The following MYH16 variants were observed in gnomAD, a reference collection of about 807,000 sequenced individuals.
MYH16 encodes the protein myosin heavy chain 16, also known as putative uncharacterized protein MYH16.
intron 21 of MYH16, among the ~76,000 whole-genome samples, chr7:99,277,916 TGAGAGAGA>T (rs36065407): frequency 4.5e-5 from 6 of 132,226 alleles, no homozygotes; most frequent in Admixed American, 3.8e-4. Flanking sequence ...TGTGTGTGTG[TGAGAGAGA>T]GAGAGAGAGA....
chr7:99,298,236 G>GTTT (rs1225164206), intron 36 of MYH16, among the ~76,000 whole-genome samples: 1 of 141,296 alleles, frequency 7.1e-6, no homozygotes, highest in East Asian at 2.0e-4. Flanking sequence ...GTTCTTTTTG[G>GTTT]TTTTTTTTTT....
intron 6 of MYH16, chr7:99,251,244 C>T (rs60493564): frequency 0.031 from 5,344 of 173,350 alleles, 290 homozygotes; most frequent in African/African-American, 0.12. Context: ...GTCACGACCC[C>T]GCCCCAGGTA....
At chr7:99,283,958 C>A in exon 25 of MYH16, 1 of 456,614 alleles carries the variant, frequency 2.2e-6, no homozygotes, top group Non-Finnish European at 4.4e-6. Flanking sequence ...CTGAAGATGA[C>A]CATCGACAAC....
chr7:99,265,915 C>CTGCT (rs1160981766), intron 17 of MYH16, among the ~76,000 whole-genome samples: 1 of 152,246 alleles, frequency 6.6e-6, no homozygotes, highest in Non-Finnish European at 1.5e-5. Context: ...CATTTCTCAG[C>CTGCT]TGCTGGATGC....
exon 32 of MYH16, chr7:99,292,403 C>T (rs771432276): frequency 4.4e-6 from 2 of 457,322 alleles, no homozygotes; most frequent in African/African-American, 2.0e-5. Context: ...GGAGGCAAGT[C>T]AGAGCTGCAG....
chr7:99,303,055 C>T lies in MYH16; in HGVS notation n.5138-10C>T, dbSNP rs1792625611. 6.5e-6 allele frequency: 1 copy of T among 152,692 alleles called. No homozygotes were observed. The highest frequency in any genetic ancestry group is 1.5e-5 in the Non-Finnish European group (1 of 68,064). 9.5% of individuals were successfully genotyped at this position (152,692 alleles called of 1,614,324 possible). A position where few individuals can be genotyped will look rare whatever the true frequency, so the allele number is the denominator to read the frequency against. On this transcript the variant is annotated splice_polypyrimidine_tract_variant and intron_variant and non_coding_transcript_variant, in intron 38 of 41. Transcript: ENST00000439784. ...CTGGCTCATAGTGATATCTCCATTT[C>T]TTCCTCCAGAACCAGAGCCTCCTCG...
chr7:99,293,386 C>G (rs1012936990), intron 32 of MYH16, among the ~76,000 whole-genome samples: 2 of 152,178 alleles, frequency 1.3e-5, no homozygotes, highest in Admixed American at 6.5e-5. Flanking sequence ...ATCTAAAGCT[C>G]TAAGCTAAAT....
intron 30 of MYH16, 88 bp from the exon 12 acceptor site, chr7:99,291,235 A>G: frequency 2.4e-6 from 1 of 410,264 alleles, no homozygotes; most frequent in South Asian, 1.8e-5. Flanking sequence ...TTTATTGGGT[A>G]CTTTAGGAGC....
At chr7:99,243,457 G>T in intron 2 of MYH16, 1 of 152,968 alleles carries the variant, frequency 6.5e-6, no homozygotes, top group Non-Finnish European at 1.5e-5. Flanking sequence ...GGGGGAGGAA[G>T]GAGTGGCTGT....
intron 24 of MYH16, 101 bp downstream of exon 6, chr7:99,283,752 C>A: frequency 2.3e-6 from 1 of 441,010 alleles, no homozygotes; most frequent in Non-Finnish European, 4.6e-6. Context: ...CAACACATCC[C>A]CCGGGGCGTG....
At chr7:99,305,088 C>T (rs964218652) in intron 40 of MYH16, among the ~76,000 whole-genome samples, 6 of 152,012 alleles carry the variant, frequency 3.9e-5, no homozygotes, top group Non-Finnish European at 8.8e-5. Flanking sequence ...ACTCAGGAGG[C>T]TGAGTTGGGA....
chr7:99,305,155 C>T (rs1277217100), intron 40 of MYH16, among the ~76,000 whole-genome samples: 2 of 151,800 alleles, frequency 1.3e-5, no homozygotes, highest in African/African-American at 4.8e-5. Flanking sequence ...CACTACTGCA[C>T]TTCAGCCTGG....
chr7:99,297,673 T>A (rs1243097622), exon 35 of MYH16: 1 of 456,270 alleles, frequency 2.2e-6, no homozygotes, highest in African/African-American at 2.0e-5. Context: ...AGATAAAGGA[T>A]CTCATTGATC....
intron 37 of MYH16, among the ~76,000 whole-genome samples, chr7:99,301,347 C>A (rs1792592145): frequency 6.6e-6 from 1 of 152,136 alleles, no homozygotes; most frequent in Non-Finnish European, 1.5e-5. Flanking sequence ...GGTGCTCTAT[C>A]ATCAGGAAAG....
At chr7:99,279,679 T>G (rs1792174177) in exon 22 of MYH16, 1 of 456,434 alleles carries the variant, frequency 2.2e-6, no homozygotes, top group Non-Finnish European at 4.4e-6. Flanking sequence ...CTGAGCGACC[T>G]GAAGCGGGAC....
chr7:99,281,007 G>T, intron 23 of MYH16, 27 bp downstream of exon 5: 1 of 355,350 alleles, frequency 2.8e-6, no homozygotes. Flanking sequence ...TCTTCCCTCA[G>T]CCCAGCAGCT....
intron 18 of MYH16, among the ~76,000 whole-genome samples, chr7:99,269,865 C>CTTTTTTTTTTTTTTT (rs983455403): frequency 9.3e-6 from 1 of 107,702 alleles, no homozygotes; most frequent in African/African-American, 4.1e-5. Context: ...TCTGGGGACA[C>CTTTTTTTTTTTTTTT]TTTTTTTTTT....
At chr7:99,305,409 C>T (rs757415853) in intron 40 of MYH16, among the ~76,000 whole-genome samples, 1 of 152,130 alleles carries the variant, frequency 6.6e-6, no homozygotes, top group African/African-American at 2.4e-5. Flanking sequence ...TTAGTCTTTA[C>T]CCCATGAAAT....
intron 33 of MYH16, among the ~76,000 whole-genome samples, chr7:99,294,612 C>A (rs192643628): frequency 6.7e-6 from 1 of 149,016 alleles, no homozygotes; most frequent in African/African-American, 2.5e-5. Flanking sequence ...GTTGCCCAGG[C>A]TGGAGTACAG....
Sources: gnomAD v4.1 joint callset for allele counts (sites outside exome capture counted in the v4.1 genomes callset) on GRCh38, gnomAD v4.1.1 for gene constraint, MANE v1.5 for transcripts, NCBI Gene and HGNC (gene_info 2026-07-23, HGNC 2026-07-21) for gene names.